Variants in PDE10A observed in about 807,000 individuals in gnomAD.
PDE10A encodes cAMP and cAMP-inhibited cGMP 3',5'-cyclic phosphodiesterase 10A.
A neutral mutation model predicts 97.7 loss-of-function variants in PDE10A; 39 were observed. That is an observed-to-expected ratio of 0.40 (90% CI 0.31 to 0.52). The LOEUF (loss-of-function observed/expected upper bound fraction) is 0.52. Ranked by LOEUF, PDE10A falls within the 20% of genes least tolerant of loss-of-function variation. The pLI is 0.56. For synonymous variants in PDE10A, 371 were observed against 376.8 expected, an observed-to-expected ratio of 0.98 and a Z score of 0.18; for missense variants, 731 against 1,047.8, an observed-to-expected ratio of 0.70 and a Z score of 4.17.
rs142970823 is a variant in PDE10A at position 165,963,688 on chromosome 6, A to C, written c.-615+23841T>G. ...AAGGCAGCAGCATGGGGGCGGCCAC[A>C]CCTGTCCTGAGAAAAGCCTCAACTC... On this transcript the variant is annotated intron_variant, in intron 1 of 19. Transcript: ENST00000366882. Among the ~76,000 whole-genome samples the C allele has an allele frequency of 8.6e-4, 131 of 152,314 alleles. 3 individuals carry two copies. In the East Asian group the frequency reaches 0.022, roughly 26 times the overall value.
intron 6 of PDE10A, among the ~76,000 whole-genome samples, chr6:165,434,939 A>G (rs562451918): frequency 2.6e-5 from 4 of 152,338 alleles, no homozygotes; most frequent in African/African-American, 9.6e-5. Context: ...TCCCAGCAAA[A>G]TATGAATCAT....
At chr6:165,479,715 G>A (rs1254166567) in intron 3 of PDE10A, among the ~76,000 whole-genome samples, 1 of 151,992 alleles carries the variant, frequency 6.6e-6, no homozygotes, top group African/African-American at 2.4e-5. Context: ...TGTCGATTTT[G>A]CTCACCATTG....
At position 165,459,566 on chromosome 6, in the gene PDE10A, T is replaced by C. The variant is rs9689471; in HGVS notation, c.1024-9204A>G. Among the ~76,000 whole-genome samples, 370 of 127,020 alleles carry C rather than the reference T, an allele frequency of 2.9e-3. 2 individuals are homozygous for C. The highest frequency in any genetic ancestry group is 0.011 in the African/African-American group (318 of 29,634). The allele number at this position is 127,020 out of a possible 152,430, so 83.3% of individuals were successfully genotyped here. ...ACAGACAGACAGACAGACAGATAGA[T>C]AGATAATGATAGATATATATATATA... On this transcript the variant is annotated intron_variant, in intron 3 of 21. Coordinates refer to ENST00000539869, the MANE Select transcript of PDE10A (RefSeq NM_001385079.1).
At chr6:165,489,317 C>G (rs1399888192) in intron 2 of PDE10A, among the ~76,000 whole-genome samples, 2 of 152,152 alleles carry the variant, frequency 1.3e-5, no homozygotes, top group Non-Finnish European at 2.9e-5. Flanking sequence ...CCTGGTAGTT[C>G]TGCTGTGTGG....
chr6:165,820,383 C>T (rs958149391), intron 1 of PDE10A, among the ~76,000 whole-genome samples: 2 of 152,214 alleles, frequency 1.3e-5, no homozygotes, highest in Non-Finnish European at 2.9e-5. Flanking sequence ...CAGAAATTCA[C>T]CTTAAATAGT....
chr6:165,485,399 C>T (rs1468044390), intron 2 of PDE10A, among the ~76,000 whole-genome samples: 15 of 143,746 alleles, frequency 1.0e-4, no homozygotes, highest in Non-Finnish European at 1.5e-5. Flanking sequence ...ACCCAGGAGG[C>T]AGAGGTTGCA....
chr6:165,600,378 C>T (rs1562618589), intron 1 of PDE10A, among the ~76,000 whole-genome samples: 1 of 152,210 alleles, frequency 6.6e-6, no homozygotes, highest in Admixed American at 6.5e-5. Context: ...AGGTTTGAAG[C>T]TCAGAGTTCC....
chr6:165,733,907 G>A (rs924605666), intron 1 of PDE10A, among the ~76,000 whole-genome samples: 1 of 151,984 alleles, frequency 6.6e-6, no homozygotes, highest in Admixed American at 6.6e-5. Context: ...GTCAATATCA[G>A]CACCTCTAGT....
intron 2 of PDE10A, among the ~76,000 whole-genome samples, chr6:165,497,421 T>C (rs1780604021): frequency 6.6e-6 from 1 of 152,194 alleles, no homozygotes; most frequent in Non-Finnish European, 1.5e-5. Context: ...CCTTATATTT[T>C]ATTTTATAGA....
intron 1 of PDE10A, among the ~76,000 whole-genome samples, chr6:165,729,906 A>T (rs1000880553): frequency 6.6e-6 from 1 of 152,194 alleles, no homozygotes; most frequent in Non-Finnish European, 1.5e-5. Flanking sequence ...TTGAAAAATT[A>T]TCTATGCAGC....
intron 1 of PDE10A, among the ~76,000 whole-genome samples, chr6:165,826,865 G>C (rs898893547): frequency 1.3e-5 from 2 of 151,788 alleles, no homozygotes; most frequent in African/African-American, 4.8e-5. Context: ...GTGGCACTGA[G>C]GGAGGGGCAC....
chr6:165,900,156 G>A (rs1198505536), intron 1 of PDE10A, among the ~76,000 whole-genome samples: 1 of 152,176 alleles, frequency 6.6e-6, no homozygotes, highest in African/African-American at 2.4e-5. Context: ...GTGGAGGTCT[G>A]TCCAGTCAGA....
At position 165,711,373 on chromosome 6, in the gene PDE10A, C is replaced by T. The variant is rs1791891585; in HGVS notation, c.-614-167805G>A. On this transcript the variant is annotated intron_variant, in intron 1 of 19. Coordinates refer to the PDE10A transcript ENST00000366882. The surrounding 1 kb of genome is among the most constrained non-coding windows in gnomAD (Gnocchi z 4.5). ...CAGCTGTGGTCTGGATGCCGTGCTGCACGTGCAAACACAGGTCCTAATGCT... is the reference window on the plus strand; with the variant it reads ...CAGCTGTGGTCTGGATGCCGTGCTGTACGTGCAAACACAGGTCCTAATGCT... Among the ~76,000 whole-genome samples the T allele has an allele frequency of 6.6e-6, 1 of 152,124 alleles. No individual in the cohort carries two copies. Among genetic ancestry groups the T allele is most frequent in the African/African-American group, 2.4e-5 (1 of 41,440 alleles).
intron 1 of PDE10A, among the ~76,000 whole-genome samples, chr6:165,951,182 G>C (rs971576910): frequency 6.6e-6 from 1 of 152,156 alleles, no homozygotes; most frequent in Non-Finnish European, 1.5e-5. Context: ...ACAAAGTCAC[G>C]CTAGATTTGC....
chr6:165,362,252 G>T (rs1783469699), intron 18 of PDE10A, among the ~76,000 whole-genome samples: 1 of 152,020 alleles, frequency 6.6e-6, no homozygotes, highest in African/African-American at 2.4e-5. Context: ...CCAAAAGCTG[G>T]TTATTTGAAA....
At chr6:165,465,299 G>C (rs1258761309) in intron 3 of PDE10A, among the ~76,000 whole-genome samples, 4 of 152,164 alleles carry the variant, frequency 2.6e-5, no homozygotes, top group African/African-American at 9.7e-5. Flanking sequence ...ACACAGAGGA[G>C]GCCACTGATT....
chr6:165,487,455 A>G (rs561470422), intron 2 of PDE10A, among the ~76,000 whole-genome samples: 1 of 152,286 alleles, frequency 6.6e-6, no homozygotes, highest in East Asian at 1.9e-4. Flanking sequence ...TATATATTAC[A>G]ACATAATAAT....
intron 2 of PDE10A, among the ~76,000 whole-genome samples, chr6:165,507,823 AT>A: frequency 1.3e-5 from 2 of 152,072 alleles, no homozygotes. Context: ...AATCCTACAC[AT>A]ATTTTAAAGT....
intron 1 of PDE10A, among the ~76,000 whole-genome samples, chr6:165,922,980 G>C (rs942577689): frequency 1.3e-5 from 2 of 152,188 alleles, no homozygotes; most frequent in African/African-American, 4.8e-5. Flanking sequence ...CAAGCCCTGA[G>C]ATTAAAGTAG....
Sources: allele counts gnomAD v4.1 joint callset (sites outside exome capture counted in the v4.1 genomes callset), GRCh38; gene constraint gnomAD v4.1.1; non-coding constraint Gnocchi (gnomAD v3.1); transcripts MANE v1.5; gene names NCBI Gene and HGNC (gene_info 2026-07-23, HGNC 2026-07-21).